RABGAP1L: variants seen among roughly 807,000 people sequenced by gnomAD.
RABGAP1L encodes the protein rab GTPase-activating protein 1-like.
RABGAP1L carries 63 observed loss-of-function variants against 137.7 expected under a neutral mutation model. The ratio of observed to expected loss-of-function variants is 0.46; its 90% CI spans 0.37 to 0.56. The LOEUF (loss-of-function observed/expected upper bound fraction) is 0.56, where lower values mean the gene tolerates loss of function less well. Among genes scored for constraint, RABGAP1L ranks in the 20% least tolerant of loss-of-function variants. The probability of loss-of-function intolerance (pLI) is 0.00; values close to 1 mark genes in which losing one functional copy is unlikely to be tolerated. For missense variants in RABGAP1L, 1,095 were observed against 1,244.0 expected, an observed-to-expected ratio of 0.88 and a Z score of 1.80; for synonymous variants, 431 against 433.7, an observed-to-expected ratio of 0.99 and a Z score of 0.08.
intron 19 of RABGAP1L, among the ~76,000 whole-genome samples, chr1:174,852,405 C>T (rs1648523400): frequency 6.6e-6 from 1 of 152,216 alleles, no homozygotes; most frequent in Non-Finnish European, 1.5e-5. Flanking sequence ...CAGTAAGTTA[C>T]ATGGTCCAGT....
chr1:174,250,021 A>G (rs1476421812), intron 5 of RABGAP1L, among the ~76,000 whole-genome samples: 1 of 152,162 alleles, frequency 6.6e-6, no homozygotes, highest in Admixed American at 6.5e-5. Flanking sequence ...GGTCTCCAGT[A>G]TGTATGCTGG....
chr1:174,677,875 A>G (rs1320902706), intron 14 of RABGAP1L, among the ~76,000 whole-genome samples: 1 of 152,212 alleles, frequency 6.6e-6, no homozygotes, highest in Non-Finnish European at 1.5e-5. Context: ...AGAGCAAATT[A>G]AAACCTAGAT....
rs138879540 is a variant in RABGAP1L at position 174,654,240 on chromosome 1, T to C, written c.1824+16752T>C. On this transcript the variant is annotated intron_variant, in intron 14 of 25. Transcript: ENST00000681986. ...GCTCCTGGGAACCTCATGGGAACTA[T>C]GGCCTTGGTACAAACGCAGGAATGA... is the stretch of plus-strand genomic sequence containing the variant. 6.3e-3 allele frequency among the ~76,000 whole-genome samples: 956 copies of C among 152,342 alleles called. 27 individuals carry two copies. Among genetic ancestry groups the C allele is most frequent in the Admixed American group, 0.041 (631 of 15,302 alleles).
intron 1 of RABGAP1L, among the ~76,000 whole-genome samples, chr1:174,206,018 A>C (rs1668483401): frequency 6.6e-6 from 1 of 152,172 alleles, no homozygotes; most frequent in Non-Finnish European, 1.5e-5. Flanking sequence ...GTCTCCGTCT[A>C]GGGTTTACTT....
intron 13 of RABGAP1L, among the ~76,000 whole-genome samples, chr1:174,554,636 A>G (rs1223117720): frequency 6.6e-6 from 1 of 152,198 alleles, no homozygotes; most frequent in Non-Finnish European, 1.5e-5. Flanking sequence ...CTTTGAAAAG[A>G]CATATTTTAA....
chr1:174,223,062 G>A (rs1351993703), intron 3 of RABGAP1L, among the ~76,000 whole-genome samples: 3 of 151,948 alleles, frequency 2.0e-5, no homozygotes, highest in Admixed American at 6.6e-5. Flanking sequence ...GAGATCAGGA[G>A]TTCCAGACCA....
intron 7 of RABGAP1L, among the ~76,000 whole-genome samples, chr1:174,261,988 C>T (rs1438884896): frequency 6.6e-6 from 1 of 152,184 alleles, no homozygotes; most frequent in Non-Finnish European, 1.5e-5. Context: ...TTAAAAGCTA[C>T]CCTGTGAGCT....
chr1:174,615,016 G>T (rs1202416998), intron 13 of RABGAP1L, among the ~76,000 whole-genome samples: 1 of 152,134 alleles, frequency 6.6e-6, no homozygotes, highest in African/African-American at 2.4e-5. Context: ...CTTTGCCTTT[G>T]GTTTGAATTT....
chr1:174,984,752 A>G lies in RABGAP1L; in HGVS notation c.2805+1847A>G, dbSNP rs77845120. ...GTGAGATTCCATCTCAAAAAAACAA[A>G]AAACAAACAAAAAAAGTGCTAAGTT... On this transcript the variant is annotated intron_variant, in intron 24 of 25. Coordinates refer to ENST00000681986, the MANE Select transcript of RABGAP1L (RefSeq NM_001366446.1). Among the ~76,000 whole-genome samples the G allele has an allele frequency of 3.7e-3, 569 of 152,270 alleles. 5 individuals carry two copies. The highest frequency in any genetic ancestry group is 0.013 in the African/African-American group (541 of 41,552).
intron 17 of RABGAP1L, among the ~76,000 whole-genome samples, chr1:174,722,611 G>A (rs1400686384): frequency 6.6e-6 from 1 of 151,694 alleles, no homozygotes; most frequent in Non-Finnish European, 1.5e-5. Context: ...CACCACGTCT[G>A]GCTAATTTTT....
At chr1:174,756,457 A>G (rs1331841934) in intron 18 of RABGAP1L, among the ~76,000 whole-genome samples, 3 of 151,208 alleles carry the variant, frequency 2.0e-5, no homozygotes, top group African/African-American at 4.9e-5. Flanking sequence ...GCCCTGTACC[A>G]TATATATATA....
chr1:174,640,916 T>A (rs1196752461), intron 14 of RABGAP1L, among the ~76,000 whole-genome samples: 1 of 148,464 alleles, frequency 6.7e-6, no homozygotes, highest in Non-Finnish European at 1.5e-5. Flanking sequence ...TAGGCCTTTT[T>A]TTTTAAAATA....
intron 18 of RABGAP1L, among the ~76,000 whole-genome samples, chr1:174,806,756 A>G (rs1466985897): frequency 6.6e-6 from 1 of 152,218 alleles, no homozygotes; most frequent in East Asian, 1.9e-4. Context: ...GACTAATTAC[A>G]TTACATTAAT....
intron 13 of RABGAP1L, among the ~76,000 whole-genome samples, chr1:174,514,178 A>G (rs1047882442): frequency 1.3e-5 from 2 of 151,614 alleles, no homozygotes; most frequent in Non-Finnish European, 2.9e-5. Flanking sequence ...ACTCATGACA[A>G]CAATGGAATC....
intron 17 of RABGAP1L, among the ~76,000 whole-genome samples, chr1:174,709,736 A>C (rs1011497309): frequency 1.3e-5 from 2 of 152,256 alleles, no homozygotes; most frequent in African/African-American, 4.8e-5. Flanking sequence ...CAGCGCAAAA[A>C]GGCTGAAAAT....
chr1:174,161,632 A>G (rs1054125160), intron 1 of RABGAP1L, among the ~76,000 whole-genome samples: 1 of 152,258 alleles, frequency 6.6e-6, no homozygotes, highest in Non-Finnish European at 1.5e-5. Context: ...ATTGTCCTCT[A>G]GAAAGCTGGA....
chr1:174,755,867 T>C (rs914872043), intron 18 of RABGAP1L, among the ~76,000 whole-genome samples: 2 of 152,216 alleles, frequency 1.3e-5, no homozygotes, highest in African/African-American at 4.8e-5. Context: ...TGAATATCTT[T>C]CCATGTCACT....
chr1:174,834,505 T>C (rs1238220421), intron 19 of RABGAP1L, among the ~76,000 whole-genome samples: 1 of 151,272 alleles, frequency 6.6e-6, no homozygotes, highest in East Asian at 1.9e-4. Flanking sequence ...GCCAAAACCA[T>C]GGGCTTTAAT....
In RABGAP1L at chr1:174,988,727, G is replaced by C; in HGVS notation, c.2892G>C (p.Gln964His). The C allele has an allele frequency of 6.5e-7, 1 of 1,549,644 alleles. No homozygotes were observed. The highest frequency in any genetic ancestry group is 1.4e-5 in the African/African-American group (1 of 73,100). The part of the protein sequence containing the change: ...LKLAATGRED[Q>H]GIETDDEKDS... ...TAGCAGCCACAGGCAGAGAGGACCA[G>C]GGAATTGAAACAGATGATGAGAAGG... is the stretch of plus-strand genomic sequence containing the variant. The change falls in exon 25 of 26, where the codon CAG becomes CAC. Residue 964 changes from glutamine (Q) to histidine (H), a missense_variant. Around this residue, in one of 4 missense-constraint regions of RABGAP1L, gnomAD observed 312 missense variants for 435.6 expected, o/e 0.72. Coordinates refer to ENST00000681986, the MANE Select transcript of RABGAP1L (RefSeq NM_001366446.1).
Sources: allele counts gnomAD v4.1 joint callset (sites outside exome capture counted in the v4.1 genomes callset), GRCh38; gene constraint gnomAD v4.1.1; regional missense constraint gnomAD v4.1.1; transcripts MANE v1.5; gene names NCBI Gene and HGNC (gene_info 2026-07-23, HGNC 2026-07-21).